WHRN: variants seen among roughly 807,000 people sequenced by gnomAD.
WHRN encodes the protein whirlin, also known as CASK-interacting protein CIP98.
Under a neutral mutation model 68.3 loss-of-function variants are expected in WHRN, and 41 were observed. The observed-to-expected ratio is 0.60, with a 90% CI of 0.47 to 0.78. The LOEUF (loss-of-function observed/expected upper bound fraction) is 0.78, where lower values mean the gene tolerates loss of function less well. WHRN is among the 30% of genes least tolerant of loss of function. The pLI is 0.00. For synonymous variants in WHRN, 560 were observed against 561.3 expected (o/e 1.00, Z 0.03); for missense variants, 1,243 against 1,244.7 (o/e 1.00, Z 0.02).
intron 8 of WHRN, among the ~76,000 whole-genome samples, chr9:114,407,126 C>G (rs1194638344): frequency 3.9e-5 from 6 of 152,210 alleles, no homozygotes; most frequent in East Asian, 1.9e-4. Context: ...GCATCATTAC[C>G]TTTGGGAACT....
chr9:114,447,344 A>T (rs764296696), intron 3 of WHRN, among the ~76,000 whole-genome samples: 45 of 151,658 alleles, frequency 3.0e-4, no homozygotes, highest in Admixed American at 5.9e-4. Context: ...AATCATTTAA[A>T]CTCTCTGAGC....
intron 1 of WHRN, among the ~76,000 whole-genome samples, chr9:114,482,131 A>C (rs1230881748): frequency 6.6e-6 from 1 of 152,114 alleles, no homozygotes; most frequent in East Asian, 1.9e-4. Context: ...TTCACGACAC[A>C]TGCCTGGTGA....
At chr9:114,447,673 T>C (rs1052986039) in intron 3 of WHRN, among the ~76,000 whole-genome samples, 1 of 152,188 alleles carries the variant, frequency 6.6e-6, no homozygotes, top group African/African-American at 2.4e-5. Flanking sequence ...TATTAAGAGA[T>C]GGGACCCTTA....
chr9:114,487,403 T>C (rs1842639841), intron 1 of WHRN, among the ~76,000 whole-genome samples: 1 of 152,096 alleles, frequency 6.6e-6, no homozygotes, highest in Non-Finnish European at 1.5e-5. Flanking sequence ...AACTGAACAT[T>C]TTCTGCTCCA....
chr9:114,402,184 G>C lies in WHRN; in HGVS notation c.*570C>G, dbSNP rs553013449. On this transcript the variant is annotated 3_prime_UTR_variant, in exon 12 of 12. Coordinates refer to ENST00000362057, the MANE Select transcript of WHRN (RefSeq NM_015404.4). Reference sequence around the variant, plus strand: ...GCAAGGCCTCTGGGATAGGCTGGGGGTGCAGAGGGAAGCTGGGGCCTTGGG... The same window carrying C: ...GCAAGGCCTCTGGGATAGGCTGGGGCTGCAGAGGGAAGCTGGGGCCTTGGG... The C allele has an allele frequency of 5.9e-6, 1 of 169,564 alleles. No individual in the cohort carries two copies. Among genetic ancestry groups the C allele is most frequent in the South Asian group, 1.4e-4 (1 of 7,026 alleles). 10.5% of individuals were successfully genotyped at this position (169,564 alleles called of 1,614,324 possible). A position where few individuals can be genotyped will look rare whatever the true frequency, so the allele number is the denominator to read the frequency against.
chr9:114,426,169 G>C (rs1052241166), intron 4 of WHRN, 42 bp downstream of exon 4: 3 of 1,610,780 alleles, frequency 1.9e-6, no homozygotes, highest in Admixed American at 3.3e-5. Flanking sequence ...TTTCAGAAAT[G>C]GCCCTGGGGT....
At chr9:114,477,153 A>C (rs1302243385) in intron 2 of WHRN, among the ~76,000 whole-genome samples, 1 of 152,200 alleles carries the variant, frequency 6.6e-6, no homozygotes, top group East Asian at 1.9e-4. Flanking sequence ...AGCTGCTGTG[A>C]TCTCTGCCGC....
chr9:114,423,288 C>T (rs527421161), intron 7 of WHRN, 26 bp downstream of exon 7: 4 of 1,612,920 alleles, frequency 2.5e-6, no homozygotes, highest in Admixed American at 1.7e-5. Context: ...GGCTACTAAG[C>T]CAGGGACAAG....
At chr9:114,443,581 G>C (rs1838567468) in intron 3 of WHRN, among the ~76,000 whole-genome samples, 1 of 152,160 alleles carries the variant, frequency 6.6e-6, no homozygotes, top group African/African-American at 2.4e-5. Context: ...GGATAATCCA[G>C]GATCATCTCC....
chr9:114,422,529 A>G (rs951445201), intron 7 of WHRN, among the ~76,000 whole-genome samples: 1 of 152,160 alleles, frequency 6.6e-6, no homozygotes, highest in African/African-American at 2.4e-5. Flanking sequence ...GGGGCTGGTG[A>G]GTCTGCAAGA....
Position 114,407,842 on chromosome 9 carries a change from T to G in WHRN, c.1698+105A>C, listed in dbSNP as rs1219019611. On this transcript the variant is annotated intron_variant, in intron 8 of 11. Coordinates refer to ENST00000362057, the MANE Select transcript of WHRN (RefSeq NM_015404.4). ...CTCATGGCAGAGGCCTCTGTCTCCT[T>G]TGCCACCCTGTGCCCTTTCTCCGTG... 18 of 965,394 alleles carry G rather than the reference T, an allele frequency of 1.9e-5. No homozygotes were observed. The East Asian group carries it at 4.7e-4, about 25-fold the overall frequency. The allele number at this position is 965,394 out of a possible 1,614,324, so 59.8% of individuals were successfully genotyped here. A position where few individuals can be genotyped will look rare whatever the true frequency, so the allele number is the denominator to read the frequency against.
intron 3 of WHRN, among the ~76,000 whole-genome samples, chr9:114,429,358 T>C (rs1340023477): frequency 6.6e-6 from 1 of 152,184 alleles, no homozygotes; most frequent in Non-Finnish European, 1.5e-5. Flanking sequence ...GACAATCAGA[T>C]CTGGGTTCAA....
chr9:114,496,972 A>G (rs543402692), intron 1 of WHRN, among the ~76,000 whole-genome samples: 17 of 152,358 alleles, frequency 1.1e-4, no homozygotes, highest in Admixed American at 1.0e-3. Flanking sequence ...AGTGTTGGGG[A>G]TGGAGGAATC....
chr9:114,472,588 T>C (rs1360947024), intron 2 of WHRN, among the ~76,000 whole-genome samples: 1 of 152,098 alleles, frequency 6.6e-6, no homozygotes, highest in Non-Finnish European at 1.5e-5. Context: ...ATAGACTGTA[T>C]ATTATTTCTT....
intron 1 of WHRN, among the ~76,000 whole-genome samples, chr9:114,479,818 T>C (rs940408849): frequency 4.6e-5 from 7 of 152,014 alleles, no homozygotes; most frequent in African/African-American, 1.5e-4. Context: ...ATCCCAGCAC[T>C]TTGGGAGGCT....
chr9:114,433,195 T>C (rs765396007), intron 3 of WHRN, among the ~76,000 whole-genome samples: 1 of 152,234 alleles, frequency 6.6e-6, no homozygotes, highest in South Asian at 2.1e-4. Flanking sequence ...CTTTAGGCCA[T>C]GCACTCAGTA....
At chr9:114,504,068 A>G in intron 1 of WHRN, 116 bp downstream of exon 1, 1 of 1,493,310 alleles carries the variant, frequency 6.7e-7, no homozygotes, top group Non-Finnish European at 9.0e-7. Flanking sequence ...AAAAAAAAAA[A>G]AAAAGCCCAG....
chr9:114,502,174 G>A (rs935685805), intron 1 of WHRN, among the ~76,000 whole-genome samples: 5 of 152,086 alleles, frequency 3.3e-5, no homozygotes, highest in African/African-American at 7.2e-5. Context: ...TATGTGTCCC[G>A]CCATGGCTAG....
At chr9:114,492,662 T>C (rs1843085486) in intron 1 of WHRN, among the ~76,000 whole-genome samples, 1 of 152,118 alleles carries the variant, frequency 6.6e-6, no homozygotes. Flanking sequence ...GAGGGTCTTT[T>C]GGCGTTTTTC....
Sources: allele counts gnomAD v4.1 joint callset (sites outside exome capture counted in the v4.1 genomes callset), GRCh38; gene constraint gnomAD v4.1.1; transcripts MANE v1.5; gene names NCBI Gene and HGNC (gene_info 2026-07-23, HGNC 2026-07-21).